VPS54: variants seen among roughly 807,000 people sequenced by gnomAD.
VPS54 encodes VPS54 subunit of GARP complex.
In VPS54, 45 loss-of-function variants were observed where a neutral mutation model predicts 121.5. That is an observed-to-expected ratio of 0.37 (90% CI 0.29 to 0.47). The LOEUF (loss-of-function observed/expected upper bound fraction) is 0.47, where lower values mean the gene tolerates loss of function less well. Among genes scored for constraint, VPS54 ranks in the 20% least tolerant of loss-of-function variants. The pLI is 0.99. For synonymous variants in VPS54, 371 were observed against 385.8 expected, an observed-to-expected ratio of 0.96 and a Z score of 0.45; for missense variants, 1,090 against 1,131.4, an observed-to-expected ratio of 0.96 and a Z score of 0.52.
intron 20 of VPS54, among the ~76,000 whole-genome samples, chr2:63,908,348 A>G (rs146081356): frequency 2.1e-3 from 314 of 152,316 alleles, no homozygotes; most frequent in Non-Finnish European, 3.7e-3. Flanking sequence ...CTTAGAGGAT[A>G]TTCTGGAAAA....
intron 5 of VPS54, among the ~76,000 whole-genome samples, chr2:63,967,521 C>G (rs1676055463): frequency 6.6e-6 from 1 of 151,982 alleles, no homozygotes; most frequent in Non-Finnish European, 1.5e-5. Context: ...TGAGACCAGC[C>G]TAGCCTGGCC....
At position 63,893,495 on chromosome 2, in the gene VPS54, G is replaced by C. The variant is rs1481102816; in HGVS notation, c.2869C>G (p.Gln957Glu). The stretch of plus-strand genomic sequence containing the variant: ...AAATCTTTAAGGCCTTTTAAGGCTT[G>C]AAGATTTCCAGTGTAAAAAGCTACA... Reference protein sequence around the residue: ...ADVAFYTGNLQALKGLKDLDL... With the variant: ...ADVAFYTGNLEALKGLKDLDL... Residue 957 changes from glutamine (Q) to glutamate (E), a missense_variant, in exon 23 of 23, where the codon CAA becomes GAA. By Grantham distance (29) the Gln-to-Glu change is conservative (BLOSUM62 2). Coordinates refer to ENST00000272322, the MANE Select transcript of VPS54 (RefSeq NM_016516.3). 1 of 1,614,016 alleles carries C rather than the reference G, an allele frequency of 6.2e-7. No individual in the cohort carries two copies. Among genetic ancestry groups the C allele is most frequent in the South Asian group, 1.1e-5 (1 of 91,078 alleles).
chr2:63,901,115 T>G (rs570387226), intron 20 of VPS54, among the ~76,000 whole-genome samples: 28 of 152,376 alleles, frequency 1.8e-4, no homozygotes, highest in African/African-American at 6.0e-4. Flanking sequence ...ATTCTAATCG[T>G]ATGATTAATT....
chr2:63,993,005 G>A (rs544515970), intron 1 of VPS54, among the ~76,000 whole-genome samples: 12 of 152,064 alleles, frequency 7.9e-5, no homozygotes, highest in Admixed American at 2.0e-4. Context: ...GTTTCCCCAG[G>A]CCTATATTCT....
At chr2:63,979,829 G>T (rs1378174598) in intron 3 of VPS54, among the ~76,000 whole-genome samples, 1 of 151,828 alleles carries the variant, frequency 6.6e-6, no homozygotes, top group Non-Finnish European at 1.5e-5. Flanking sequence ...TTATACTGTG[G>T]TCAGAGAGCA....
intron 1 of VPS54, among the ~76,000 whole-genome samples, chr2:64,002,538 T>C (rs1677935803): frequency 6.6e-6 from 1 of 152,216 alleles, no homozygotes; most frequent in Non-Finnish European, 1.5e-5. Context: ...TAGATATTCA[T>C]TCTGACAATA....
In VPS54 at chr2:63,949,042, C is replaced by T; in HGVS notation, c.1132G>A (p.Glu378Lys). The T allele has an allele frequency of 6.2e-7, 1 of 1,610,942 alleles. No homozygotes were observed. The highest frequency in any genetic ancestry group is 8.5e-7 in the Non-Finnish European group (1 of 1,178,968). ...TCCACAGTTAAAACACATACCTCTT[C>T]TAAAACTTGACAGTCATCTTCCAGT... is the stretch of plus-strand genomic sequence containing the variant. ...RPLEDDCQVLEEERLISLVFG... is the reference protein window; with the variant it reads ...RPLEDDCQVLKEERLISLVFG... The change falls in exon 8 of 23, where the codon GAA (glutamate) becomes AAA (lysine). Residue 378 changes from glutamate (E) to lysine (K), a missense_variant. Transcript: ENST00000272322.
chr2:63,903,550 C>G (rs1277364753), intron 20 of VPS54, among the ~76,000 whole-genome samples: 3 of 151,888 alleles, frequency 2.0e-5, no homozygotes, highest in East Asian at 1.9e-4. Flanking sequence ...AACTGATAAT[C>G]TAAAGCAAAA....
intron 6 of VPS54, among the ~76,000 whole-genome samples, chr2:63,963,041 T>C (rs903767997): frequency 3.3e-5 from 5 of 152,140 alleles, no homozygotes; most frequent in Non-Finnish European, 5.9e-5. Context: ...ACTGAAGCTG[T>C]TTCTATTATA....
At chr2:63,993,415 G>T (rs1281644221) in intron 1 of VPS54, among the ~76,000 whole-genome samples, 1 of 152,094 alleles carries the variant, frequency 6.6e-6, no homozygotes, top group Non-Finnish European at 1.5e-5. Flanking sequence ...GAGTACAGCC[G>T]TTTCAGCCTT....
intron 5 of VPS54, among the ~76,000 whole-genome samples, 171 bp from the exon 6 acceptor site, chr2:63,966,137 A>G (rs868540674): frequency 6.6e-6 from 1 of 152,322 alleles, no homozygotes; most frequent in African/African-American, 2.4e-5. Flanking sequence ...AAAATGTGTA[A>G]ATTTCTCACC....
intron 11 of VPS54, among the ~76,000 whole-genome samples, chr2:63,938,148 G>A (rs1194148280): frequency 2.6e-5 from 4 of 151,676 alleles, no homozygotes; most frequent in Non-Finnish European, 5.9e-5. Context: ...CTGTGTGTGT[G>A]TGCAGACAGG....
intron 1 of VPS54, among the ~76,000 whole-genome samples, chr2:63,994,300 TTTATTTAA>T: frequency 6.6e-6 from 1 of 152,240 alleles, no homozygotes; most frequent in African/African-American, 2.4e-5. Flanking sequence ...TACACTAGGT[TTTATTTAA>T]TGATTCCCCT....
At chr2:63,922,683 G>A (rs1445735749) in intron 12 of VPS54, among the ~76,000 whole-genome samples, 4 of 152,098 alleles carry the variant, frequency 2.6e-5, no homozygotes, top group Non-Finnish European at 2.9e-5. Flanking sequence ...ACTTCTAATC[G>A]ATTAAGCTTC....
rs1344841525 is a variant in VPS54, at chr2:64,005,091, T to TC, written c.-21+13846_-21+13847insG. 1.6e-3 allele frequency among the ~76,000 whole-genome samples: 66 copies of TC among 41,938 alleles called. 1 individual carries two copies. Among genetic ancestry groups the TC allele is most frequent in the African/African-American group, 7.9e-3 (64 of 8,094 alleles). 27.5% of individuals were successfully genotyped at this position (41,938 alleles called of 152,430 possible). A position where few individuals can be genotyped will look rare whatever the true frequency, so the allele number is the denominator to read the frequency against. On this transcript the variant is annotated intron_variant, in intron 1 of 22. Coordinates refer to ENST00000272322, the MANE Select transcript of VPS54 (RefSeq NM_016516.3). ...CCATGCCCAGTCTACTATTGCTTCTTTTTTTTTTTTTTTTTTTTTTTTTTT... is the reference window on the plus strand; with the variant it reads ...CCATGCCCAGTCTACTATTGCTTCTTCTTTTTTTTTTTTTTTTTTTTTTTTT...
chr2:63,927,280 G>A (rs142892502), intron 12 of VPS54, among the ~76,000 whole-genome samples: 4 of 152,278 alleles, frequency 2.6e-5, no homozygotes, highest in Non-Finnish European at 4.4e-5. Flanking sequence ...CCTCATACAG[G>A]TGGGTGCCCC....
At chr2:64,015,655 C>G (rs1678649580) in intron 1 of VPS54, among the ~76,000 whole-genome samples, 1 of 152,126 alleles carries the variant, frequency 6.6e-6, no homozygotes, top group African/African-American at 2.4e-5. Flanking sequence ...CCCTTGGAGT[C>G]AAAACCGTCC....
In VPS54 at chr2:63,916,917, T is replaced by C; in HGVS notation, c.2211A>G (p.Gln737=). 2 of 1,613,648 alleles carry C rather than the reference T, an allele frequency of 1.2e-6. No homozygotes were observed. The highest frequency in any genetic ancestry group is 2.2e-5 in the East Asian group (1 of 44,844). Reference sequence around the variant, plus strand: ...TCACTCACCCAACAACTGCATACTGTTGTCCCTCGACAATAAGAACTTCAG... The same window carrying C: ...TCACTCACCCAACAACTGCATACTGCTGTCCCTCGACAATAAGAACTTCAG... ...KPAEVLIVEG[Q]QYAVVGTVLL... The change falls in exon 16 of 23, where the codon CAA becomes CAG. Residue 737 remains glutamine, a synonymous_variant. Transcript: ENST00000272322.
intron 11 of VPS54, among the ~76,000 whole-genome samples, chr2:63,934,678 C>CA (rs1205333070): frequency 6.7e-6 from 1 of 149,536 alleles, no homozygotes; most frequent in Non-Finnish European, 1.5e-5. Flanking sequence ...AAAATAAAAA[C>CA]AAAAAACAAA....
Sources: allele counts gnomAD v4.1 joint callset (sites outside exome capture counted in the v4.1 genomes callset), GRCh38; gene constraint gnomAD v4.1.1; transcripts MANE v1.5; gene names NCBI Gene and HGNC (gene_info 2026-07-23, HGNC 2026-07-21).